Variants in ADAMTSL3 observed in about 807,000 individuals in gnomAD.
ADAMTSL3 encodes the protein ADAMTS-like protein 3.
Under a neutral mutation model 201.7 loss-of-function variants are expected in ADAMTSL3, and 128 were observed. The observed-to-expected ratio is 0.63, with a 90% CI of 0.55 to 0.73. ADAMTSL3 has a LOEUF of 0.73. Ranked by LOEUF, ADAMTSL3 falls within the 30% of genes least tolerant of loss-of-function variation. ADAMTSL3 has a pLI of 0.00. For missense variants in ADAMTSL3, 1,990 were observed against 2,119.6 expected (o/e 0.94, Z 1.20); for synonymous variants, 738 against 748.4 (o/e 0.99, Z 0.23).
intron 20 of ADAMTSL3, among the ~76,000 whole-genome samples, chr15:83,981,816 C>CT (rs2067389298): frequency 1.3e-5 from 2 of 152,238 alleles, no homozygotes; most frequent in Non-Finnish European, 2.9e-5. Flanking sequence ...ACCCATGGCT[C>CT]TAAGCCAGAG....
At position 83,876,666 on chromosome 15, in the gene ADAMTSL3, C is replaced by G. The variant is rs1291803534; in HGVS notation, c.960+5707C>G. ...TTTTGTTTTGAGATGCAGTCTTGCTCTGTTGCCCAGGCTGGGGTTCGGTGG... is the reference window on the plus strand; with the variant it reads ...TTTTGTTTTGAGATGCAGTCTTGCTGTGTTGCCCAGGCTGGGGTTCGGTGG... On this transcript the variant is annotated intron_variant, in intron 9 of 29. Transcript: ENST00000286744. Among the ~76,000 whole-genome samples the G allele has an allele frequency of 2.6e-5, 4 of 152,238 alleles. No homozygotes were observed. In the East Asian group the frequency reaches 5.8e-4, roughly 22 times the overall value.
At position 83,870,845 on chromosome 15, in the gene ADAMTSL3, C is replaced by T; in HGVS notation, c.846C>T (p.Ser282=). ...KTLQGSKGEH[S]FNSPGVFLVE... is the part of the protein sequence containing the mutation. ...TTCAAGGAAGCAAAGGAGAACACAG[C>T]TTTAACAGCCCCGGCGTCTTTCTCG... is the stretch of plus-strand genomic sequence containing the variant. The change falls in exon 9 of 30, where the codon AGC becomes AGT. Residue 282 remains serine, a synonymous_variant. Coordinates refer to ENST00000286744, the MANE Select transcript of ADAMTSL3 (RefSeq NM_207517.3). The T allele has an allele frequency of 1.2e-6, 2 of 1,612,308 alleles. No individual in the cohort carries two copies. The highest frequency in any genetic ancestry group is 1.7e-6 in the Non-Finnish European group (2 of 1,179,408).
At chr15:83,918,412 CA>C (rs1313598836) in intron 16 of ADAMTSL3, among the ~76,000 whole-genome samples, 2 of 152,292 alleles carry the variant, frequency 1.3e-5, no homozygotes, top group Admixed American at 6.5e-5. Flanking sequence ...CCACTGGTTA[CA>C]GCAATTGCAA....
At chr15:84,008,898 C>T (rs1225155781) in intron 23 of ADAMTSL3, among the ~76,000 whole-genome samples, 3 of 152,168 alleles carry the variant, frequency 2.0e-5, no homozygotes, top group African/African-American at 7.2e-5. Context: ...AGCCACAAAT[C>T]CTGGAGTCGG....
At chr15:83,693,501 G>C (rs1390818686) in intron 2 of ADAMTSL3, among the ~76,000 whole-genome samples, 1 of 152,178 alleles carries the variant, frequency 6.6e-6, no homozygotes, top group Non-Finnish European at 1.5e-5. Flanking sequence ...GCAGGTCCCA[G>C]CCAGGTTCCT....
intron 7 of ADAMTSL3, among the ~76,000 whole-genome samples, chr15:83,841,458 A>G (rs1321097233): frequency 6.6e-6 from 1 of 152,178 alleles, no homozygotes; most frequent in African/African-American, 2.4e-5. Context: ...TTTCACTTCC[A>G]TGGGTATCTT....
chr15:84,024,417 A>G (rs1306065143), intron 26 of ADAMTSL3, among the ~76,000 whole-genome samples: 2 of 152,242 alleles, frequency 1.3e-5, no homozygotes, highest in Non-Finnish European at 2.9e-5. Context: ...TATGATTTCT[A>G]TTGGTAACAA....
intron 15 of ADAMTSL3, among the ~76,000 whole-genome samples, chr15:83,907,696 A>C (rs2065866352): frequency 6.6e-6 from 1 of 151,864 alleles, no homozygotes; most frequent in Non-Finnish European, 1.5e-5. Context: ...GAGCCACCAC[A>C]CCCTGCCAGA....
intron 3 of ADAMTSL3, among the ~76,000 whole-genome samples, chr15:83,734,197 GT>G (rs1452822689): frequency 6.6e-6 from 1 of 152,110 alleles, no homozygotes; most frequent in Non-Finnish European, 1.5e-5. Flanking sequence ...ATTTTTGTGG[GT>G]TTTTTAAAGG....
chr15:83,767,477 A>T (rs2062911341), intron 3 of ADAMTSL3, among the ~76,000 whole-genome samples: 1 of 152,230 alleles, frequency 6.6e-6, no homozygotes, highest in Admixed American at 6.5e-5. Flanking sequence ...AGATGTTTGA[A>T]CAGGGGGAAT....
intron 19 of ADAMTSL3, among the ~76,000 whole-genome samples, chr15:83,957,369 A>C (rs2066881827): frequency 6.6e-6 from 1 of 152,200 alleles, no homozygotes; most frequent in Admixed American, 6.6e-5. Flanking sequence ...AAGGTGTTTG[A>C]ATGGGGAAGT....
At chr15:83,889,398 A>G (rs1367945538) in intron 10 of ADAMTSL3, among the ~76,000 whole-genome samples, 1 of 152,210 alleles carries the variant, frequency 6.6e-6, no homozygotes, top group East Asian at 1.9e-4. Context: ...TGAAAGAAAT[A>G]TTCAACCCAG....
chr15:83,988,000 C>T (rs535615168), intron 21 of ADAMTSL3, among the ~76,000 whole-genome samples: 1 of 152,304 alleles, frequency 6.6e-6, no homozygotes, highest in East Asian at 1.9e-4. Flanking sequence ...GATATATTTT[C>T]TGAATCTCTG....
At chr15:83,930,011 G>A (rs1312382739) in intron 17 of ADAMTSL3, among the ~76,000 whole-genome samples, 1 of 152,130 alleles carries the variant, frequency 6.6e-6, no homozygotes. Flanking sequence ...TCAACAGAAT[G>A]TGAGATAGGA....
At chr15:83,971,753 A>G (rs895859945) in intron 20 of ADAMTSL3, among the ~76,000 whole-genome samples, 1 of 150,998 alleles carries the variant, frequency 6.6e-6, no homozygotes, top group Non-Finnish European at 1.5e-5. Flanking sequence ...CTTTTTCACT[A>G]TCTTTAATTA....
chr15:83,990,964 A>G, intron 22 of ADAMTSL3, 122 bp from the exon 23 acceptor site: 1 of 1,411,662 alleles, frequency 7.1e-7, no homozygotes. Context: ...TGAGGGATAC[A>G]GAGAGAACCA....
At chr15:83,851,057 C>G (rs1680459832) in intron 7 of ADAMTSL3, among the ~76,000 whole-genome samples, 1 of 152,188 alleles carries the variant, frequency 6.6e-6, no homozygotes, top group African/African-American at 2.4e-5. Context: ...ACTGCTGGAT[C>G]TGAATTTCTA....
intron 25 of ADAMTSL3, among the ~76,000 whole-genome samples, chr15:84,020,995 A>G (rs1567307083): frequency 6.6e-6 from 1 of 152,136 alleles, no homozygotes; most frequent in Non-Finnish European, 1.5e-5. Context: ...ATCATCTTTC[A>G]TTTCTCTGCC....
At chr15:84,029,913 A>C (rs1469821521) in intron 27 of ADAMTSL3, among the ~76,000 whole-genome samples, 1 of 152,260 alleles carries the variant, frequency 6.6e-6, no homozygotes, top group African/African-American at 2.4e-5. Flanking sequence ...CCATTGCTTC[A>C]GAGGGCGCAA....
Sources: allele counts gnomAD v4.1 joint callset (sites outside exome capture counted in the v4.1 genomes callset), GRCh38; gene constraint gnomAD v4.1.1; transcripts MANE v1.5; gene names NCBI Gene and HGNC (gene_info 2026-07-23, HGNC 2026-07-21).